The following PDE1C variants were observed in gnomAD, a reference collection of about 807,000 sequenced individuals.
PDE1C encodes the protein phosphodiesterase 1C, also known as dual specificity calcium/calmodulin-dependent 3',5'-cyclic nucleotide phosphodiesterase 1C.
A neutral mutation model predicts 93.1 loss-of-function variants in PDE1C; 62 were observed. The ratio of observed to expected loss-of-function variants is 0.67; its 90% confidence interval spans 0.54 to 0.82. PDE1C has a LOEUF of 0.82. Ranked by LOEUF, PDE1C falls within the 40% of genes least tolerant of loss-of-function variation. The probability of loss-of-function intolerance (pLI) is 0.00; values close to 1 mark genes in which losing one functional copy is unlikely to be tolerated. For missense variants in PDE1C, 742 were observed against 884.6 expected (o/e 0.84, Z 2.04); for synonymous variants, 325 against 310.1 (o/e 1.05, Z -0.50).
chr7:31,878,314 T>G (rs1796840271), intron 4 of PDE1C, among the ~76,000 whole-genome samples: 1 of 152,192 alleles, frequency 6.6e-6, no homozygotes, highest in South Asian at 2.1e-4. Context: ...GGGTCACTTC[T>G]TCCGCCAGAG....
chr7:32,328,855 G>T (rs1426370649), intron 1 of PDE1C, among the ~76,000 whole-genome samples: 4 of 152,142 alleles, frequency 2.6e-5, no homozygotes, highest in Admixed American at 2.0e-4. Context: ...CAAGGGCAAG[G>T]ACATGGCCTT....
At chr7:32,309,519 A>T (rs899340356) in intron 1 of PDE1C, among the ~76,000 whole-genome samples, 1 of 152,222 alleles carries the variant, frequency 6.6e-6, no homozygotes, top group Non-Finnish European at 1.5e-5. Context: ...GTTACCCTCA[A>T]AGGGAAGCCC....
chr7:31,749,069 A>T (rs1794065287), downstream of PDE1C, among the ~76,000 whole-genome samples: 1 of 152,150 alleles, frequency 6.6e-6, no homozygotes, highest in Non-Finnish European at 1.5e-5. Flanking sequence ...CAGGGACAAG[A>T]AATCCTAACA....
intron 1 of PDE1C, among the ~76,000 whole-genome samples, chr7:32,222,490 GTCC>G (rs772357519): frequency 3.9e-5 from 6 of 152,180 alleles, no homozygotes; most frequent in Non-Finnish European, 7.3e-5. Flanking sequence ...GCTAGGAACT[GTCC>G]TCCTCTGTCC....
At chr7:31,681,281 A>T in the PDE1C span, among the ~76,000 whole-genome samples, 1 of 152,090 alleles carries the variant, frequency 6.6e-6, no homozygotes, top group African/African-American at 2.4e-5. Flanking sequence ...GTGGTATTGT[A>T]CTTTATTCAC....
At chr7:32,227,716 T>A (rs2128859593) in intron 1 of PDE1C, among the ~76,000 whole-genome samples, 1 of 152,282 alleles carries the variant, frequency 6.6e-6, no homozygotes, top group African/African-American at 2.4e-5. Flanking sequence ...AACAAAATAC[T>A]GTAAAATGAT....
chr7:32,211,629 G>A (rs551938185), intron 1 of PDE1C, among the ~76,000 whole-genome samples: 1 of 152,152 alleles, frequency 6.6e-6, no homozygotes, highest in East Asian at 1.9e-4. Flanking sequence ...GAGGGACGGA[G>A]GAAGAACAAA....
intron 1 of PDE1C, among the ~76,000 whole-genome samples, chr7:32,398,638 C>A (rs917558187): frequency 3.3e-5 from 5 of 152,098 alleles, no homozygotes; most frequent in Non-Finnish European, 5.9e-5. Flanking sequence ...ATCCTCCCGT[C>A]TCGGCCTCCC....
the PDE1C span, chr7:31,655,892 G>A: frequency 1.0e-6 from 1 of 985,464 alleles, no homozygotes; most frequent in Non-Finnish European, 1.2e-6. Context: ...CCTGGCTCTA[G>A]GATGTCCCTC....
intron 1 of PDE1C, among the ~76,000 whole-genome samples, chr7:32,315,911 C>T (rs917943245): frequency 6.6e-6 from 1 of 152,184 alleles, no homozygotes; most frequent in Non-Finnish European, 1.5e-5. Context: ...GGGAGAATTG[C>T]TTGAACCCAG....
chr7:32,184,118 G>A (rs1803667274), intron 2 of PDE1C, among the ~76,000 whole-genome samples: 1 of 152,198 alleles, frequency 6.6e-6, no homozygotes, highest in South Asian at 2.1e-4. Flanking sequence ...ACACCAGTTA[G>A]AATGGCGATC....
At chr7:32,282,342 G>A (rs1480577902) in intron 1 of PDE1C, among the ~76,000 whole-genome samples, 9 of 151,608 alleles carry the variant, frequency 5.9e-5, no homozygotes, top group Non-Finnish European at 1.3e-4. Context: ...CGGGCGTGGT[G>A]GCACCTGCCT....
the PDE1C span, among the ~76,000 whole-genome samples, chr7:31,632,625 C>A: frequency 6.6e-6 from 1 of 152,128 alleles, no homozygotes; most frequent in Non-Finnish European, 1.5e-5. Context: ...GGGAACACAA[C>A]TTCTGACTAA....
At chr7:32,022,197 A>G (rs1159738198) in intron 2 of PDE1C, among the ~76,000 whole-genome samples, 1 of 152,072 alleles carries the variant, frequency 6.6e-6, no homozygotes, top group East Asian at 1.9e-4. Context: ...AAAAGAAGGG[A>G]GGGAAGGAGA....
intron 16 of PDE1C, chr7:31,789,885 G>A (rs1334389498): frequency 9.4e-6 from 10 of 1,058,680 alleles, no homozygotes; most frequent in Non-Finnish European, 1.1e-5. Context: ...AGCATATCCA[G>A]GATGTCCATT....
intron 1 of PDE1C, among the ~76,000 whole-genome samples, chr7:32,224,594 T>C (rs1460199342): frequency 6.6e-6 from 1 of 152,138 alleles, no homozygotes; most frequent in East Asian, 1.9e-4. Flanking sequence ...TAGATGGTGG[T>C]GGTGGTATTA....
chr7:31,946,145 C>T (rs1193090009), intron 2 of PDE1C, among the ~76,000 whole-genome samples: 1 of 152,078 alleles, frequency 6.6e-6, no homozygotes, highest in African/African-American at 2.4e-5. Context: ...CTGAAGATCC[C>T]AACATCTGTG....
chr7:32,186,264 G>A (rs920781551), intron 2 of PDE1C, among the ~76,000 whole-genome samples: 5 of 151,742 alleles, frequency 3.3e-5, no homozygotes, highest in Non-Finnish European at 7.4e-5. Context: ...CACCGCGCCC[G>A]GCTAATTTTT....
intron 2 of PDE1C, among the ~76,000 whole-genome samples, chr7:31,943,863 C>T (rs1260018140): frequency 2.6e-5 from 4 of 152,128 alleles, no homozygotes; most frequent in Admixed American, 2.6e-4. Flanking sequence ...ATGGCAGAAT[C>T]TTTAAAATAT....
Sources: gnomAD v4.1 joint callset for allele counts (sites outside exome capture counted in the v4.1 genomes callset) on GRCh38, gnomAD v4.1.1 for gene constraint, MANE v1.5 for transcripts, NCBI Gene and HGNC (gene_info 2026-07-23, HGNC 2026-07-21) for gene names.